Variants in DLGAP1 observed in about 807,000 individuals in gnomAD.
The protein encoded by DLGAP1 is DLG associated protein 1, also known as disks large-associated protein 1.
A neutral mutation model predicts 90.8 loss-of-function variants in DLGAP1; 11 were observed. That is an observed-to-expected ratio of 0.12 (90% CI 0.08 to 0.20). The LOEUF (loss-of-function observed/expected upper bound fraction) is 0.20. DLGAP1 is among the 10% of genes least tolerant of loss of function. The pLI is 1.00. For missense variants in DLGAP1, 1,050 were observed against 1,333.8 expected (o/e 0.79, Z 3.31); for synonymous variants, 558 against 540.7 (o/e 1.03, Z -0.44).
chr18:4,018,836 G>A (rs1188189185), intron 2 of DLGAP1, among the ~76,000 whole-genome samples: 1 of 152,204 alleles, frequency 6.6e-6, no homozygotes, highest in Non-Finnish European at 1.5e-5. Context: ...TACAGCAAAA[G>A]TAGAGGGGAA....
intron 10 of DLGAP1, among the ~76,000 whole-genome samples, chr18:3,530,968 G>A (rs370858695): frequency 1.3e-5 from 2 of 152,164 alleles, no homozygotes; most frequent in African/African-American, 4.8e-5. Flanking sequence ...AGCTGTGAGT[G>A]AGAGAGTGGA....
intron 1 of DLGAP1, among the ~76,000 whole-genome samples, chr18:4,239,788 T>G (rs2078493440): frequency 6.6e-6 from 1 of 152,312 alleles, no homozygotes. Flanking sequence ...AAATAATATT[T>G]ATTTGGAAGG....
chr18:4,431,886 T>C (rs148966780), intron 1 of DLGAP1, among the ~76,000 whole-genome samples: 1 of 152,346 alleles, frequency 6.6e-6, no homozygotes, highest in East Asian at 1.9e-4. Context: ...AGATAACTTG[T>C]TGAGAACAGT....
intron 7 of DLGAP1, among the ~76,000 whole-genome samples, chr18:3,671,987 T>C (rs1035492644): frequency 1.3e-5 from 2 of 152,158 alleles, no homozygotes; most frequent in African/African-American, 2.4e-5. Flanking sequence ...ATATTTCGTG[T>C]TTTTTTCTTT....
At position 4,370,305 on chromosome 18, in the gene DLGAP1, C is replaced by T. The variant is rs183218406; in HGVS notation, c.-267+84701G>A. Among the ~76,000 whole-genome samples the T allele has an allele frequency of 1.0e-3, 152 of 152,220 alleles. 2 individuals are homozygous for T. The highest frequency in any genetic ancestry group is 2.2e-3 in the Admixed American group (34 of 15,292). On this transcript the variant is annotated intron_variant, in intron 1 of 12. Coordinates refer to ENST00000315677, the MANE Select transcript of DLGAP1 (RefSeq NM_004746.4). ...AGGAAAGAGATGATAACACCATGAA[C>T]GCAAAGTTCCTGTGGAACATTCTGA...
intron 1 of DLGAP1, among the ~76,000 whole-genome samples, chr18:4,312,366 T>C (rs2143472704): frequency 6.6e-6 from 1 of 152,312 alleles, no homozygotes; most frequent in South Asian, 2.1e-4. Flanking sequence ...GATTATACAA[T>C]ACTAACTAAG....
intron 1 of DLGAP1, among the ~76,000 whole-genome samples, chr18:4,266,974 T>TAG (rs1568481043): frequency 6.6e-6 from 1 of 152,220 alleles, no homozygotes; most frequent in Non-Finnish European, 1.5e-5. Flanking sequence ...GGTGCTGAGT[T>TAG]TACTAATGTG....
At chr18:3,694,869 G>A (rs1023682001) in intron 7 of DLGAP1, among the ~76,000 whole-genome samples, 1 of 151,572 alleles carries the variant, frequency 6.6e-6, no homozygotes. Context: ...CTGTGCAGGA[G>A]CTCTTTAGTT....
At chr18:3,701,917 A>G (rs1265890161) in intron 7 of DLGAP1, among the ~76,000 whole-genome samples, 1 of 152,178 alleles carries the variant, frequency 6.6e-6, no homozygotes, top group African/African-American at 2.4e-5. Flanking sequence ...GGAGAGACAT[A>G]GGGAGTTCTT....
chr18:3,904,417 G>T (rs904391259), intron 3 of DLGAP1, among the ~76,000 whole-genome samples: 9 of 152,214 alleles, frequency 5.9e-5, no homozygotes, highest in African/African-American at 1.7e-4. Flanking sequence ...TAGGGAAATA[G>T]AATTTTAGAA....
At chr18:4,413,673 A>G (rs2082830851) in intron 1 of DLGAP1, among the ~76,000 whole-genome samples, 2 of 152,222 alleles carry the variant, frequency 1.3e-5, no homozygotes, top group Admixed American at 6.5e-5. Context: ...GCTCAAACAT[A>G]GGCAGAAATA....
chr18:3,815,725 T>C (rs1458099376), intron 4 of DLGAP1, among the ~76,000 whole-genome samples: 1 of 152,182 alleles, frequency 6.6e-6, no homozygotes, highest in Admixed American at 6.5e-5. Context: ...GAACTCAACC[T>C]AGATCTCATT....
In DLGAP1 at chr18:3,615,190, A is replaced by G. The variant is rs150901403; in HGVS notation, c.1592-32942T>C. Among the ~76,000 whole-genome samples the G allele has an allele frequency of 4.3e-3, 655 of 152,218 alleles. 6 individuals carry two copies. Among genetic ancestry groups the G allele is most frequent in the African/African-American group, 0.015 (613 of 41,548 alleles). ...GCCAGCCTCGGCCTCTCAAAGTGCTAGGATTACAGGCATGAGCCACTGTGC... is the reference window on the plus strand; with the variant it reads ...GCCAGCCTCGGCCTCTCAAAGTGCTGGGATTACAGGCATGAGCCACTGTGC... On this transcript the variant is annotated intron_variant, in intron 7 of 12. Transcript: ENST00000315677.
At chr18:3,507,929 G>T (rs548921040) in intron 11 of DLGAP1, among the ~76,000 whole-genome samples, 66 of 152,244 alleles carry the variant, frequency 4.3e-4, no homozygotes, top group African/African-American at 1.5e-3. Context: ...TAGAGACAGG[G>T]TTTTGCCATC....
Position 3,859,228 on chromosome 18 carries a change from T to C in DLGAP1, c.957+19884A>G, listed in dbSNP as rs554450780. On this transcript the variant is annotated intron_variant, in intron 4 of 12. Coordinates refer to ENST00000315677, the MANE Select transcript of DLGAP1 (RefSeq NM_004746.4). The stretch of plus-strand genomic sequence containing the variant: ...AACACAGAAATGGATGGTATTTTCA[T>C]TTCATCACCATATACGTGAAATATC... Among the ~76,000 whole-genome samples the C allele has an allele frequency of 4.5e-4, 68 of 152,314 alleles. No individual in the cohort carries two copies. The South Asian group carries it at 9.5e-3, about 21-fold the overall frequency.
At chr18:3,609,546 TACTTA>T (rs1439551778) in intron 7 of DLGAP1, among the ~76,000 whole-genome samples, 1 of 152,196 alleles carries the variant, frequency 6.6e-6, no homozygotes, top group Non-Finnish European at 1.5e-5. Flanking sequence ...AGTTACAAGC[TACTTA>T]ACTTTACACT....
At chr18:4,308,539 C>T (rs777167267) in intron 1 of DLGAP1, among the ~76,000 whole-genome samples, 4 of 152,136 alleles carry the variant, frequency 2.6e-5, no homozygotes, top group South Asian at 2.1e-4. Context: ...TTGTACCATA[C>T]GTATAACTTT....
At chr18:4,439,746 G>A (rs2083485165) in intron 1 of DLGAP1, among the ~76,000 whole-genome samples, 1 of 151,614 alleles carries the variant, frequency 6.6e-6, no homozygotes, top group Non-Finnish European at 1.5e-5. Flanking sequence ...AGGGTTCAAG[G>A]TTATGGTAAG....
rs75487545 is a variant in DLGAP1, at chr18:3,829,252, T to C, written c.958-14979A>G. Reference sequence around the variant, plus strand: ...CTACTTCAGAGACTGACTATAAAGATAGAGATGATATAAAGTAACATATGA... The same window carrying C: ...CTACTTCAGAGACTGACTATAAAGACAGAGATGATATAAAGTAACATATGA... On this transcript the variant is annotated intron_variant, in intron 4 of 12. Coordinates refer to ENST00000315677, the MANE Select transcript of DLGAP1 (RefSeq NM_004746.4). Among the ~76,000 whole-genome samples the C allele has an allele frequency of 9.9e-3, 1,505 of 152,318 alleles. 61 individuals carry two copies. The highest frequency in any genetic ancestry group is 0.07 in the East Asian group (365 of 5,178).
Sources: allele counts gnomAD v4.1 joint callset (sites outside exome capture counted in the v4.1 genomes callset), GRCh38; gene constraint gnomAD v4.1.1; transcripts MANE v1.5; gene names NCBI Gene and HGNC (gene_info 2026-07-23, HGNC 2026-07-21).